The following IMPG1 variants were observed in gnomAD, a reference collection of about 807,000 sequenced individuals.
IMPG1 encodes interphotoreceptor matrix proteoglycan of 150 kDa.
Under a neutral mutation model 92.0 loss-of-function variants are expected in IMPG1, and 85 were observed. The ratio of observed to expected loss-of-function variants is 0.92; its 90% CI spans 0.78 to 1.11. The LOEUF (loss-of-function observed/expected upper bound fraction) is 1.11. Among genes scored for constraint, IMPG1 ranks in the 50% least tolerant of loss-of-function variants. The pLI is 0.00. For missense variants in IMPG1, 1,022 were observed against 956.0 expected, an observed-to-expected ratio of 1.07 and a Z score of -0.91; for synonymous variants, 367 against 334.1, an observed-to-expected ratio of 1.10 and a Z score of -1.08.
At chr6:75,968,426 A>T (rs1007332955) in intron 12 of IMPG1, among the ~76,000 whole-genome samples, 1 of 152,156 alleles carries the variant, frequency 6.6e-6, no homozygotes, top group Non-Finnish European at 1.5e-5. Flanking sequence ...AGTAAATTTT[A>T]TTAGAATAGC....
chr6:75,991,604 C>A (rs1031379120), intron 12 of IMPG1, among the ~76,000 whole-genome samples: 3 of 152,148 alleles, frequency 2.0e-5, no homozygotes, highest in African/African-American at 7.2e-5. Context: ...TAACCTATGC[C>A]AGCCCCCTTC....
chr6:76,042,172 G>A, intron 1 of IMPG1, 46 bp from the exon 2 acceptor site: 1 of 969,970 alleles, frequency 1.0e-6, no homozygotes, highest in Non-Finnish European at 1.7e-6. Flanking sequence ...ACATTTATGT[G>A]TTATATGTGA....
chr6:75,990,365 G>T (rs1218301882), intron 12 of IMPG1, among the ~76,000 whole-genome samples: 1 of 152,124 alleles, frequency 6.6e-6, no homozygotes, highest in Non-Finnish European at 1.5e-5. Context: ...AAAAATAGAA[G>T]AAGAAGCTGA....
chr6:76,003,133 G>A (rs534225874), intron 11 of IMPG1, 137 bp from the exon 12 acceptor site: 10 of 657,244 alleles, frequency 1.5e-5, no homozygotes, highest in Non-Finnish European at 2.5e-5. Context: ...TACTATGGAG[G>A]AAGGTTCTGA....
Position 76,017,195 on chromosome 6 carries a change from CAA to C in IMPG1, c.807+1521_807+1522del, listed in dbSNP as rs61629486. Among the ~76,000 whole-genome samples the C allele has an allele frequency of 6.1e-3, 719 of 117,806 alleles. 2 individuals are homozygous for C. The highest frequency in any genetic ancestry group is 0.01 in the African/African-American group (337 of 32,484). The allele number at this position is 117,806 out of a possible 152,430, so 77.3% of individuals were successfully genotyped here. A position where few individuals can be genotyped will look rare whatever the true frequency, so the allele number is the denominator to read the frequency against. Reference sequence around the variant, plus strand: ...TAAGGAACTGGTATATGGTGAGGCTCAAAAAAAAAAAAAAAGGCAGAGATCTT... The same window carrying C: ...TAAGGAACTGGTATATGGTGAGGCTCAAAAAAAAAAAAAGGCAGAGATCTT... On this transcript the variant is annotated intron_variant, in intron 7 of 16. Transcript: ENST00000369950.
At chr6:76,069,832 A>T (rs1195986139) in intron 1 of IMPG1, among the ~76,000 whole-genome samples, 1 of 152,180 alleles carries the variant, frequency 6.6e-6, no homozygotes, top group Non-Finnish European at 1.5e-5. Flanking sequence ...CTTTTGCAAC[A>T]ACATGAATAA....
At chr6:76,023,269 A>T (rs1314164833) in intron 5 of IMPG1, among the ~76,000 whole-genome samples, 1 of 152,150 alleles carries the variant, frequency 6.6e-6, no homozygotes, top group Non-Finnish European at 1.5e-5. Flanking sequence ...AGCAATTGGG[A>T]TGGAGGTGTT....
At chr6:75,956,226 C>A (rs1782117844) in intron 12 of IMPG1, among the ~76,000 whole-genome samples, 1 of 152,146 alleles carries the variant, frequency 6.6e-6, no homozygotes, top group Non-Finnish European at 1.5e-5. Context: ...CCATCCAGTC[C>A]TGGGCTTTTC....
At chr6:75,927,244 C>T (rs570835692) in intron 15 of IMPG1, among the ~76,000 whole-genome samples, 8 of 152,176 alleles carry the variant, frequency 5.3e-5, no homozygotes, top group East Asian at 1.9e-4. Flanking sequence ...TCCTGTTATT[C>T]CCATTAGATA....
At chr6:76,001,399 T>C (rs1782987033) in intron 12 of IMPG1, among the ~76,000 whole-genome samples, 1 of 152,230 alleles carries the variant, frequency 6.6e-6, no homozygotes, top group African/African-American at 2.4e-5. Context: ...ATAAATGGCA[T>C]AAATTCTTCC....
intron 6 of IMPG1, among the ~76,000 whole-genome samples, chr6:76,020,146 G>A (rs1002717653): frequency 1.3e-4 from 19 of 151,952 alleles, no homozygotes; most frequent in Non-Finnish European, 1.8e-4. Context: ...TCAACCTCCC[G>A]GGCTCAAGCA....
At chr6:75,952,366 G>A (rs1006201636) in intron 12 of IMPG1, among the ~76,000 whole-genome samples, 3 of 152,014 alleles carry the variant, frequency 2.0e-5, no homozygotes, top group East Asian at 1.9e-4. Context: ...AATTTACTAC[G>A]GTGAAATTAC....
At chr6:75,924,693 A>ATT (rs375540782) in intron 15 of IMPG1, among the ~76,000 whole-genome samples, 1 of 4,036 alleles carries the variant, frequency 2.5e-4, no homozygotes, top group African/African-American at 4.4e-4. Flanking sequence ...ATTATATATA[A>ATT]ATAATTATAT....
intron 12 of IMPG1, among the ~76,000 whole-genome samples, chr6:75,973,103 G>A (rs1782449650): frequency 6.6e-6 from 1 of 152,138 alleles, no homozygotes; most frequent in South Asian, 2.1e-4. Context: ...TCAGTCTCTA[G>A]AGTGGCTGGA....
chr6:75,962,796 T>A (rs759514569), intron 12 of IMPG1, among the ~76,000 whole-genome samples: 3 of 152,176 alleles, frequency 2.0e-5, no homozygotes, highest in Non-Finnish European at 4.4e-5. Context: ...ACCCCAGCAC[T>A]ATGGGAGGCT....
rs1182413226 is a variant in IMPG1 at position 75,938,946 on chromosome 6, G to A, written c.2045-7795C>T. Among the ~76,000 whole-genome samples the A allele has an allele frequency of 2.0e-5, 3 of 152,128 alleles. No homozygotes were observed. In the East Asian group the frequency reaches 5.8e-4, roughly 29 times the overall value. On this transcript the variant is annotated intron_variant, in intron 14 of 16. Transcript: ENST00000369950. ...AGTGTCTCACTCTGTCACCTAGACT[G>A]GAGTGCAGTGATGAGAGTAACTGGG...
intron 1 of IMPG1, among the ~76,000 whole-genome samples, chr6:76,069,854 G>T (rs1445460308): frequency 9.9e-5 from 15 of 152,198 alleles, no homozygotes; most frequent in African/African-American, 3.4e-4. Context: ...GCTGGAGACC[G>T]CTATCCTAAG....
chr6:76,017,135 A>C (rs1783303338), intron 7 of IMPG1, among the ~76,000 whole-genome samples: 1 of 151,606 alleles, frequency 6.6e-6, no homozygotes, highest in African/African-American at 2.4e-5. Flanking sequence ...AATAGTTTGC[A>C]TTCCTGGAAA....
chr6:75,959,162 C>T (rs1373042020), intron 12 of IMPG1, among the ~76,000 whole-genome samples: 8 of 152,108 alleles, frequency 5.3e-5, no homozygotes, highest in East Asian at 1.9e-4. Context: ...CTGGAGTTTG[C>T]GGGAGGTCCA....
Sources: allele counts gnomAD v4.1 joint callset (sites outside exome capture counted in the v4.1 genomes callset), GRCh38; gene constraint gnomAD v4.1.1; transcripts MANE v1.5; gene names NCBI Gene and HGNC (gene_info 2026-07-23, HGNC 2026-07-21).